MAP3K6: variants seen among roughly 807,000 people sequenced by gnomAD.
MAP3K6 encodes the protein apoptosis signal-regulating kinase 2.
Under a neutral mutation model 147.1 loss-of-function variants are expected in MAP3K6, and 105 were observed. The observed-to-expected ratio is 0.71, with a 90% CI of 0.61 to 0.84. MAP3K6 has a LOEUF of 0.84. MAP3K6 is among the 40% of genes least tolerant of loss of function. MAP3K6 has a pLI of 0.00. For synonymous variants in MAP3K6, 695 were observed against 732.4 expected (o/e 0.95, Z 0.82); for missense variants, 1,569 against 1,715.0 (o/e 0.91, Z 1.50).
rs201154544 is a variant in MAP3K6, at chr1:27,355,361, T to C, written c.*30A>G. 9.5e-4 allele frequency: 1,514 copies of C among 1,590,532 alleles called. 1 individual carries two copies. The highest frequency in any genetic ancestry group is 1.2e-3 in the Non-Finnish European group (1,395 of 1,158,502). On this transcript the variant is annotated 3_prime_UTR_variant, in exon 29 of 29. Coordinates refer to ENST00000357582, the MANE Select transcript of MAP3K6 (RefSeq NM_004672.5). ...CTCTCCATTCATCCATCCTTGGGCC[T>C]GTCTGGCCTATGATGCCCTCATTCA...
chr1:27,358,725 T>G lies in MAP3K6; in HGVS notation c.2567A>C (p.Gln856Pro), dbSNP rs1177190403. ...AGGTCTCACCTGAAACATGGCAGCC[T>G]GTGGGCTCCCGAGCTCGTGGAAGGG... The part of the protein sequence containing the change: ...RPPFHELGSP[Q>P]AAMFQVGMYK... The change falls in exon 19 of 29, where the codon CAG becomes CCG. Residue 856 changes from glutamine (Q) to proline (P), a missense_variant. Gln to Pro is a moderately conservative substitution (Grantham distance 76). Coordinates refer to ENST00000357582, the MANE Select transcript of MAP3K6 (RefSeq NM_004672.5). This position sits in a 1 kb window ranked among gnomAD's most constrained non-coding sequence, Gnocchi z 6.2. 2 of 1,613,924 alleles carry G rather than the reference T, an allele frequency of 1.2e-6. No individual in the cohort carries two copies. Among genetic ancestry groups the G allele is most frequent in the Non-Finnish European group, 1.7e-6 (2 of 1,180,006 alleles).
Position 27,356,510 on chromosome 1 carries a change from G to A in MAP3K6, c.3525-10C>T, listed in dbSNP as rs371184845. 26 of 1,612,874 alleles carry A rather than the reference G, an allele frequency of 1.6e-5. 1 individual carries two copies. The highest frequency in any genetic ancestry group is 3.3e-5 in the Admixed American group (2 of 59,790). ...CAGGATTTCGCGCAGCCTGTGGGGC[G>A]CAGAAGAGTAGAATGGAGCGGTGAG... On this transcript the variant is annotated splice_polypyrimidine_tract_variant and intron_variant, in intron 25 of 28. Coordinates refer to ENST00000357582, the MANE Select transcript of MAP3K6 (RefSeq NM_004672.5).
At chr1:27,362,514 T>G (rs891145062) in intron 8 of MAP3K6, 127 bp downstream of exon 8, 1 of 796,726 alleles carries the variant, frequency 1.3e-6, no homozygotes, top group Non-Finnish European at 2.0e-6. Flanking sequence ...GGTGTGGGTA[T>G]GGGCAGGACA....
Position 27,364,151 on chromosome 1 carries a change from C to T in MAP3K6, c.695+53G>A. The T allele has an allele frequency of 1.2e-6, 2 of 1,600,262 alleles. No homozygotes were observed. Among genetic ancestry groups the T allele is most frequent in the Non-Finnish European group, 1.7e-6 (2 of 1,173,340 alleles). The stretch of plus-strand genomic sequence containing the variant: ...GGGCCTGTACCTCAGCCCCAGCCCA[C>T]CATACCCTCACCAGCCCCCTCCTGG... On this transcript the variant is annotated intron_variant, in intron 4 of 28. Coordinates refer to ENST00000357582, the MANE Select transcript of MAP3K6 (RefSeq NM_004672.5). The surrounding 1 kb of genome is among the most constrained non-coding windows in gnomAD (Gnocchi z 4.4).
At position 27,357,526 on chromosome 1, in the gene MAP3K6, C is replaced by T. The variant is rs368446605; in HGVS notation, c.3132G>A (p.Gly1044=). 1 of 1,613,418 alleles carries T rather than the reference C, an allele frequency of 6.2e-7. No homozygotes were observed. Among genetic ancestry groups the T allele is most frequent in the Admixed American group, 1.7e-5 (1 of 60,000 alleles). The change falls in exon 23 of 29, where the codon GGG becomes GGA. Residue 1044 remains glycine (G), a synonymous_variant. Transcript: ENST00000357582. ...NHVEELLRCL[G]AHIHTPNRRQ... ...GGCGGTTGGGAGTGTGGATGTGTGC[C>T]CCGAGGCAGCGCAGCAGCTCTTCCA...
rs947285063 is a variant in MAP3K6 at position 27,366,276 on chromosome 1, C to T, written c.322G>A (p.Asp108Asn). 7.5e-7 allele frequency: 1 copy of T among 1,338,662 alleles called. No homozygotes were observed. 82.9% of individuals were successfully genotyped at this position (1,338,662 alleles called of 1,614,324 possible). The change falls in exon 1 of 29, where the codon GAT becomes AAT. Residue 108 changes from aspartate to asparagine, a missense_variant. Coordinates refer to ENST00000357582, the MANE Select transcript of MAP3K6 (RefSeq NM_004672.5). This position sits in a 1 kb window ranked among gnomAD's most constrained non-coding sequence, Gnocchi z 5.5. Reference sequence around the variant, plus strand: ...CTCTCACCCGCGTTGTAGAAGGCATCCAGAGCCGCGGTGTCGCCTAGCTCC... The same window carrying T: ...CTCTCACCCGCGTTGTAGAAGGCATTCAGAGCCGCGGTGTCGCCTAGCTCC... Reference protein sequence around the residue: ...TLELGDTAALDAFYNADVVVL... With the variant: ...TLELGDTAALNAFYNADVVVL...
chr1:27,355,467 C>A lies in MAP3K6; in HGVS notation c.3791G>T (p.Gly1264Val), dbSNP rs774421165. The change falls in exon 29 of 29, where the codon GGA becomes GTA. Residue 1264 changes from glycine to valine, a missense_variant and splice_region_variant. Coordinates refer to ENST00000357582, the MANE Select transcript of MAP3K6 (RefSeq NM_004672.5). ...CCTCCAGATGCGGCATACCATCCCT[C>A]CCCTGGGGGTAATGGACTCAGTGTG... ...RDDLIYTRIR[G>V]GMVCRIWRAI... 9.3e-6 allele frequency: 15 copies of A among 1,614,000 alleles called. No individual in the cohort carries two copies. The African/African-American group carries it at 1.9e-4, about 20-fold the overall frequency.
rs1164362073 is a variant in MAP3K6, at chr1:27,355,499, C to T, written c.3789-30G>A. 3 of 1,610,944 alleles carry T rather than the reference C, an allele frequency of 1.9e-6. No individual in the cohort carries two copies. In the African/African-American group the frequency reaches 4.0e-5, roughly 22 times the overall value. ...GGGTAATGGACTCAGTGTGGCTCAG[C>T]CAGAAGGTGGCCCTGGACTCTATCT... is the stretch of plus-strand genomic sequence containing the variant. On this transcript the variant is annotated intron_variant, in intron 28 of 28. Transcript: ENST00000357582.
Position 27,366,392 on chromosome 1 carries a change from G to T in MAP3K6, c.206C>A (p.Pro69Gln), listed in dbSNP as rs2015986956. ...LEPREGTEAE[P>Q]LPLRCLREAC... ...CTCGCGCAGGCAGCGCAGGGGCAGCGGCTCCGCCTCGGTTCCCTCCCGAGG... is the reference window on the plus strand; with the variant it reads ...CTCGCGCAGGCAGCGCAGGGGCAGCTGCTCCGCCTCGGTTCCCTCCCGAGG... The change falls in exon 1 of 29, where the codon CCG (proline) becomes CAG (glutamine). Residue 69 changes from proline to glutamine, a missense_variant. Transcript: ENST00000357582. This position sits in a 1 kb window ranked among gnomAD's most constrained non-coding sequence, Gnocchi z 5.5. The T allele has an allele frequency of 8.0e-7, 1 of 1,249,728 alleles. No individual in the cohort carries two copies. The highest frequency in any genetic ancestry group is 1.6e-5 in the African/African-American group (1 of 64,202). 77.4% of individuals were successfully genotyped at this position (1,249,728 alleles called of 1,614,324 possible).
In MAP3K6 at chr1:27,364,445, A is replaced by G; in HGVS notation, c.505-51T>C. ...TGAGGTCAGAGGTCAGCACAGGGCT[A>G]GACAAGGGGAGTGAGAGCATCAAAG... On this transcript the variant is annotated intron_variant, in intron 3 of 28. Transcript: ENST00000357582. This position sits in a 1 kb window ranked among gnomAD's most constrained non-coding sequence, Gnocchi z 4.4. 1 of 1,597,580 alleles carries G rather than the reference A, an allele frequency of 6.3e-7. No individual in the cohort carries two copies. The highest frequency in any genetic ancestry group is 8.6e-7 in the Non-Finnish European group (1 of 1,166,618).
At chr1:27,365,011 C>T (rs184232980) in intron 1 of MAP3K6, 99 bp from the exon 2 acceptor site, 1 of 1,321,706 alleles carries the variant, frequency 7.6e-7, no homozygotes, top group Admixed American at 2.6e-5. Flanking sequence ...TGTGGGACTC[C>T]AGTAGGGTCT....
chr1:27,358,695 C>T lies in MAP3K6; in HGVS notation c.2583+14G>A. ...CTATGCCACTTCCATGGGCCAGGCC[C>T]AAAGAGGTCTCACCTGAAACATGGC... On this transcript the variant is annotated intron_variant, in intron 19 of 28. Coordinates refer to ENST00000357582, the MANE Select transcript of MAP3K6 (RefSeq NM_004672.5). The surrounding 1 kb of genome is among the most constrained non-coding windows in gnomAD (Gnocchi z 6.2). The T allele has an allele frequency of 6.2e-7, 1 of 1,613,678 alleles. No individual in the cohort carries two copies. The highest frequency in any genetic ancestry group is 2.2e-5 in the East Asian group (1 of 44,878).
At position 27,357,424 on chromosome 1, in the gene MAP3K6, T is replaced by A. The variant is rs144196715; in HGVS notation, c.3234A>T (p.Arg1078Ser). The change falls in exon 23 of 29, where the codon AGA becomes AGT. Residue 1078 changes from arginine to serine, a missense_variant. Physicochemically the swap from Arg to Ser is moderately radical, Grantham distance 110 (BLOSUM62 -1). Transcript: ENST00000357582. ...AQGLGPALLH[R>S]PLFAFPDAVK... ...CCGCATCCGGGAAGGCAAACAGCGG[T>A]CTGTGCAGAAGCGCAGGCCCAAGGC... 5.0e-6 allele frequency: 8 copies of A among 1,599,484 alleles called. No homozygotes were observed. The highest frequency in any genetic ancestry group is 6.8e-6 in the Non-Finnish European group (8 of 1,170,786).
intron 26 of MAP3K6, 21 bp downstream of exon 26, chr1:27,356,367 C>T (rs1557553798): frequency 1.9e-6 from 3 of 1,580,042 alleles, no homozygotes; most frequent in Non-Finnish European, 1.7e-6. Context: ...CAATAATGTT[C>T]TCCAGCCAAG....
chr1:27,363,203 G>A (rs1277104102), intron 6 of MAP3K6, among the ~76,000 whole-genome samples, 182 bp from the exon 7 acceptor site: 3 of 152,240 alleles, frequency 2.0e-5, no homozygotes, highest in South Asian at 2.1e-4. Flanking sequence ...TCCTAGATGC[G>A]ATGACTCTTA....
chr1:27,355,599 C>T (rs1349757884), intron 28 of MAP3K6, 70 bp downstream of exon 28: 30 of 1,595,006 alleles, frequency 1.9e-5, no homozygotes, highest in African/African-American at 2.7e-5. Flanking sequence ...AGGAAGGAAC[C>T]TAGGCAGGCC....
Position 27,358,538 on chromosome 1 carries a change from G to A in MAP3K6, c.2657C>T (p.Thr886Ile), listed in dbSNP as rs143122109. ...SAEAQAFLLR[T>I]FEPDPRLRAS... Reference sequence around the variant, plus strand: ...TCGGAGGCGGGGGTCTGGCTCAAAAGTTCGGAGGAGAAAGGCTTGGGCCTC... The same window carrying A: ...TCGGAGGCGGGGGTCTGGCTCAAAAATTCGGAGGAGAAAGGCTTGGGCCTC... The change falls in exon 20 of 29, where the codon ACT becomes ATT. Residue 886 changes from threonine (T) to isoleucine (I), a missense_variant. Thr to Ile is a moderately conservative substitution (Grantham distance 89, BLOSUM62 -1). Transcript: ENST00000357582. The surrounding 1 kb of genome is among the most constrained non-coding windows in gnomAD (Gnocchi z 6.2). 6 of 1,612,126 alleles carry A rather than the reference G, an allele frequency of 3.7e-6. No individual in the cohort carries two copies. In the South Asian group the frequency reaches 6.6e-5, roughly 18 times the overall value.
chr1:27,361,775 A>G lies in MAP3K6; in HGVS notation c.1508T>C (p.Phe503Ser). 6.2e-7 allele frequency: 1 copy of G among 1,612,932 alleles called. No individual in the cohort carries two copies. The highest frequency in any genetic ancestry group is 1.3e-5 in the African/African-American group (1 of 75,046). The change falls in exon 10 of 29, where the codon TTC becomes TCC. Residue 503 changes from phenylalanine to serine, a missense_variant. Phe to Ser is a radical substitution (Grantham distance 155). Coordinates refer to ENST00000357582, the MANE Select transcript of MAP3K6 (RefSeq NM_004672.5). ...PPGGPPRRAH[F>S]WLHFLLQSCQ... is the part of the protein sequence containing the mutation. ...GGACTGTAGCAAGAAGTGGAGCCAG[A>G]AGTGGGCACGGCGTGGTGGCCCTCC...
In MAP3K6 at chr1:27,359,671, G is replaced by A. The variant is rs2015670066; in HGVS notation, c.2320-149C>T. ...CCATCCCACTTATATGCCCCTCTGGGAGCTGACAATTGGTTTGGCTTCAGA... is the reference window on the plus strand; with the variant it reads ...CCATCCCACTTATATGCCCCTCTGGAAGCTGACAATTGGTTTGGCTTCAGA... On this transcript the variant is annotated intron_variant, in intron 17 of 28. Coordinates refer to ENST00000357582, the MANE Select transcript of MAP3K6 (RefSeq NM_004672.5). This position sits in a 1 kb window ranked among gnomAD's most constrained non-coding sequence, Gnocchi z 4.4. The A allele has an allele frequency of 1.4e-6, 2 of 1,397,752 alleles. No homozygotes were observed. The highest frequency in any genetic ancestry group is 5.0e-5 in the East Asian group (2 of 40,274). The allele number at this position is 1,397,752 out of a possible 1,614,324, so 86.6% of individuals were successfully genotyped here.
Sources: gnomAD v4.1 joint callset for allele counts (sites outside exome capture counted in the v4.1 genomes callset) on GRCh38, gnomAD v4.1.1 for gene constraint, Gnocchi (gnomAD v3.1) non-coding constraint, MANE v1.5 for transcripts, NCBI Gene and HGNC (gene_info 2026-07-23, HGNC 2026-07-21) for gene names.